Variants in AJAP1 observed in about 807,000 individuals in gnomAD.
AJAP1 encodes adherens junctions associated protein 1, also known as adherens junction-associated protein 1.
A neutral mutation model predicts 35.0 loss-of-function variants in AJAP1; 5 were observed. The observed-to-expected ratio is 0.14, with a 90% CI of 0.07 to 0.30. The LOEUF (loss-of-function observed/expected upper bound fraction) is 0.30, where lower values mean the gene tolerates loss of function less well. AJAP1 is among the 10% of genes least tolerant of loss of function. AJAP1 has a pLI of 1.00. For missense variants in AJAP1, 586 were observed against 571.0 expected, an observed-to-expected ratio of 1.03 and a Z score of -0.27; for synonymous variants, 284 against 249.3, an observed-to-expected ratio of 1.14 and a Z score of -1.31.
chr1:4,738,100 A>G (rs991323087), intron 2 of AJAP1, among the ~76,000 whole-genome samples: 1 of 152,190 alleles, frequency 6.6e-6, no homozygotes, highest in African/African-American at 2.4e-5. Context: ...CTCATTCCAA[A>G]TGTTACACTT....
At chr1:4,711,179 G>T (rs1319018884) in intron 1 of AJAP1, 9 of 152,310 alleles carry the variant, frequency 5.9e-5, no homozygotes, top group African/African-American at 1.7e-4. Context: ...ATCCAGAGGA[G>T]GCCAGAAGTA....
At position 4,711,889 on chromosome 1, in the gene AJAP1, C is replaced by T. The variant is rs761363510; in HGVS notation, c.30-11C>T. 148 of 1,472,702 alleles carry T rather than the reference C, an allele frequency of 1.0e-4. No individual in the cohort carries two copies. Among genetic ancestry groups the T allele is most frequent in the Non-Finnish European group, 1.3e-4 (141 of 1,114,172 alleles). 91.2% of individuals were successfully genotyped at this position (1,472,702 alleles called of 1,614,324 possible). A position where few individuals can be genotyped will look rare whatever the true frequency, so the allele number is the denominator to read the frequency against. ...CACTGACCGCTCTTCTCTCCTTTCCCCCCCGCACAGCTCCATGTCCATCCG... is the reference window on the plus strand; with the variant it reads ...CACTGACCGCTCTTCTCTCCTTTCCTCCCCGCACAGCTCCATGTCCATCCG... On this transcript the variant is annotated splice_polypyrimidine_tract_variant and intron_variant, in intron 1 of 5. Transcript: ENST00000378191.
chr1:4,680,822 C>T (rs1639465871), intron 1 of AJAP1, among the ~76,000 whole-genome samples: 1 of 152,202 alleles, frequency 6.6e-6, no homozygotes, highest in African/African-American at 2.4e-5. Context: ...TTGATTCCAT[C>T]CCAAACATCT....
At chr1:4,779,600 C>T (rs1438268417) in intron 5 of AJAP1, among the ~76,000 whole-genome samples, 1 of 152,110 alleles carries the variant, frequency 6.6e-6, no homozygotes, top group African/African-American at 2.4e-5. Flanking sequence ...ACAGTTCAGG[C>T]AGGAAACTAT....
intron 2 of AJAP1, among the ~76,000 whole-genome samples, chr1:4,757,289 T>A (rs1040767164): frequency 2.0e-5 from 3 of 152,210 alleles, no homozygotes; most frequent in African/African-American, 4.8e-5. Flanking sequence ...CATGCAGTGC[T>A]ACCAGTGTAT....
rs529940202 is a variant in AJAP1 at position 4,712,522 on chromosome 1, GCCACCACCA to G, written c.666_674del (p.Thr223_Thr225del). ...ACAAACACGGAAGACAACTGTGGCCGCCACCACCACCACCACCACCACGGCCACCCCCAT... is the reference window on the plus strand; with the variant it reads ...ACAAACACGGAAGACAACTGTGGCCGCCACCACCACCACGGCCACCCCCAT... On this transcript the variant is annotated inframe_deletion, in exon 2 of 6. Coordinates refer to ENST00000378191, the MANE Select transcript of AJAP1 (RefSeq NM_018836.4). 5.4e-5 allele frequency: 87 copies of G among 1,609,966 alleles called. 1 individual carries two copies. The South Asian group carries it at 7.1e-4, about 13-fold the overall frequency.
At chr1:4,761,662 T>C (rs566629043) in intron 2 of AJAP1, among the ~76,000 whole-genome samples, 7 of 152,304 alleles carry the variant, frequency 4.6e-5, no homozygotes, top group Admixed American at 2.0e-4. Context: ...GTTCACAAGA[T>C]GAGGTCCCAC....
intron 5 of AJAP1, among the ~76,000 whole-genome samples, chr1:4,781,030 A>G (rs982059044): frequency 6.6e-6 from 1 of 152,150 alleles, no homozygotes; most frequent in African/African-American, 2.4e-5. Flanking sequence ...GGAAAGATCC[A>G]GCCCCTCACC....
At chr1:4,777,767 T>C (rs1001300563) in intron 5 of AJAP1, 2 of 152,216 alleles carry the variant, frequency 1.3e-5, no homozygotes, top group African/African-American at 2.4e-5. Context: ...CAAAAACACA[T>C]TGATCACTAA....
At chr1:4,724,735 T>C (rs1232985348) in intron 2 of AJAP1, among the ~76,000 whole-genome samples, 1 of 151,322 alleles carries the variant, frequency 6.6e-6, no homozygotes, top group Non-Finnish European at 1.5e-5. Flanking sequence ...CCATAGCCAT[T>C]GTCTGAACAG....
intron 2 of AJAP1, among the ~76,000 whole-genome samples, chr1:4,731,596 A>C (rs1640797018): frequency 6.6e-6 from 1 of 152,194 alleles, no homozygotes; most frequent in East Asian, 1.9e-4. Flanking sequence ...ACAGCTTGAG[A>C]AGGAGGGAGA....
intron 2 of AJAP1, among the ~76,000 whole-genome samples, chr1:4,718,011 G>C (rs1209934081): frequency 1.3e-5 from 2 of 152,160 alleles, no homozygotes; most frequent in Middle Eastern, 3.2e-3. Flanking sequence ...GAGAATCAAA[G>C]AACAAATCAG....
intron 2 of AJAP1, among the ~76,000 whole-genome samples, chr1:4,757,596 G>A (rs1354240370): frequency 1.3e-5 from 2 of 152,152 alleles, no homozygotes; most frequent in East Asian, 1.9e-4. Flanking sequence ...CTGGGGAGTG[G>A]GTCTACTACA....
At chr1:4,677,564 A>C (rs77551369) in intron 1 of AJAP1, among the ~76,000 whole-genome samples, 12,254 of 151,616 alleles carry the variant, frequency 0.081, 691 homozygotes, top group East Asian at 0.22. Flanking sequence ...GATGACAGAG[A>C]AGGGATTAAG....
chr1:4,655,473 G>A lies in AJAP1; in HGVS notation c.29+19G>A. On this transcript the variant is annotated intron_variant, in intron 1 of 5. Transcript: ENST00000378191. The surrounding 1 kb of genome is among the most constrained non-coding windows in gnomAD (Gnocchi z 6.9). ...GACTCAGGTGAGCGACCCGGCCGGCGCCGGGTGCGTGTGGGCGCGTGGGTG... is the reference window on the plus strand; with the variant it reads ...GACTCAGGTGAGCGACCCGGCCGGCACCGGGTGCGTGTGGGCGCGTGGGTG... 2 of 1,564,140 alleles carry A rather than the reference G, an allele frequency of 1.3e-6. No homozygotes were observed. The highest frequency in any genetic ancestry group is 2.5e-5 in the East Asian group (1 of 39,644).
intron 2 of AJAP1, among the ~76,000 whole-genome samples, chr1:4,724,055 T>C (rs960684076): frequency 6.6e-6 from 1 of 152,190 alleles, no homozygotes; most frequent in African/African-American, 2.4e-5. Flanking sequence ...TGTGAGAGCC[T>C]GTGATAGTTG....
Position 4,787,372 on chromosome 1 carries a change from GA to G in AJAP1, c.*4890del. ...GAGAGTGGGGGGCATTGAAGGGGAA[GA>G]AAGAGAGGCAGGGGTTGTCTACGTC... On this transcript the variant is annotated 3_prime_UTR_variant, in exon 6 of 6. Transcript: ENST00000378191. The G allele has an allele frequency of 3.9e-6, 1 of 253,872 alleles. No individual in the cohort carries two copies. 15.7% of individuals were successfully genotyped at this position (253,872 alleles called of 1,614,324 possible). A position where few individuals can be genotyped will look rare whatever the true frequency, so the allele number is the denominator to read the frequency against.
intron 1 of AJAP1, among the ~76,000 whole-genome samples, chr1:4,685,570 A>G (rs1351488816): frequency 6.6e-6 from 1 of 152,220 alleles, no homozygotes; most frequent in Non-Finnish European, 1.5e-5. Context: ...AATCCCATCC[A>G]ATGGCATCGA....
chr1:4,779,557 G>A (rs964231829), intron 5 of AJAP1, among the ~76,000 whole-genome samples: 2 of 152,086 alleles, frequency 1.3e-5, no homozygotes, highest in African/African-American at 2.4e-5. Context: ...CCTGTTTAAG[G>A]TCAGGATTAA....
Sources: gnomAD v4.1 joint callset for allele counts (sites outside exome capture counted in the v4.1 genomes callset) on GRCh38, gnomAD v4.1.1 for gene constraint, Gnocchi (gnomAD v3.1) non-coding constraint, MANE v1.5 for transcripts, NCBI Gene and HGNC (gene_info 2026-07-23, HGNC 2026-07-21) for gene names.